Variants in JMJD1C observed in about 807,000 individuals in gnomAD.
JMJD1C encodes jumonji domain-containing protein 1C.
JMJD1C carries 31 observed loss-of-function variants against 245.3 expected under a neutral mutation model. That is an observed-to-expected ratio of 0.13 (90% confidence interval 0.09 to 0.17). The LOEUF (loss-of-function observed/expected upper bound fraction) is 0.17. JMJD1C is among the 10% of genes least tolerant of loss of function. The pLI, the probability that JMJD1C is intolerant of heterozygous loss-of-function variation, is 1.00. For missense variants in JMJD1C, 2,691 were observed against 3,000.2 expected (o/e 0.90, Z 2.41); for synonymous variants, 1,057 against 1,017.4 (o/e 1.04, Z -0.74).
At chr10:63,247,051 A>C (rs977727724) in intron 3 of JMJD1C, among the ~76,000 whole-genome samples, 11 of 151,754 alleles carry the variant, frequency 7.2e-5, no homozygotes, top group African/African-American at 2.7e-4. Flanking sequence ...CTAAATCCAA[A>C]ATTAGTAGTA....
chr10:63,445,362 G>A (rs1951649890), intron 1 of JMJD1C, among the ~76,000 whole-genome samples: 1 of 152,196 alleles, frequency 6.6e-6, no homozygotes, highest in African/African-American at 2.4e-5. Flanking sequence ...AAATGAGCAA[G>A]CATGTTAACA....
At chr10:63,340,806 G>A (rs1472605222) in intron 2 of JMJD1C, among the ~76,000 whole-genome samples, 2 of 151,962 alleles carry the variant, frequency 1.3e-5, no homozygotes, top group Admixed American at 6.5e-5. Context: ...TTGGCTGGGC[G>A]TGGTGGCAGG....
At chr10:63,280,953 C>A (rs1374328793) in intron 2 of JMJD1C, among the ~76,000 whole-genome samples, 1 of 151,516 alleles carries the variant, frequency 6.6e-6, no homozygotes, top group South Asian at 2.1e-4. Flanking sequence ...GGATCCTTTA[C>A]CTCTTTTTCT....
At chr10:63,267,930 G>A (rs1469494568) in intron 2 of JMJD1C, among the ~76,000 whole-genome samples, 2 of 151,982 alleles carry the variant, frequency 1.3e-5, no homozygotes, top group Non-Finnish European at 2.9e-5. Flanking sequence ...TGAGGAAGAC[G>A]CGAACAGATG....
rs190696115 is a variant in JMJD1C, at chr10:63,398,411, T to C, written c.169-17929A>G. On this transcript the variant is annotated intron_variant, in intron 1 of 25. Transcript: ENST00000399262. ...ATTTTAAAATATGTTTCTCCATTCT[T>C]GTATTTCCAGTAATTGTTTAACTGG... 7.2e-5 allele frequency among the ~76,000 whole-genome samples: 11 copies of C among 152,284 alleles called. 1 individual carries two copies. The East Asian group carries it at 2.1e-3, about 29-fold the overall frequency.
intron 3 of JMJD1C, among the ~76,000 whole-genome samples, chr10:63,229,091 C>G (rs144154822): frequency 5.2e-4 from 79 of 152,048 alleles, no homozygotes; most frequent in African/African-American, 1.9e-3. Flanking sequence ...TTATTAAGGA[C>G]ACGATAGATT....
rs1847733980 is a variant in JMJD1C, at chr10:63,214,468, T to C, written c.1699A>G (p.Ser567Gly). 1.2e-6 allele frequency: 2 copies of C among 1,614,086 alleles called. No individual in the cohort carries two copies. Among genetic ancestry groups the C allele is most frequent in the Admixed American group, 3.3e-5 (2 of 60,030 alleles). ...AKKDSDQSWV[S>G]DVVKVDLTQS... ...GTTAGATCCACTTTAACTACATCAC[T>C]GACCCAGCTCTGGTCAGAATCTTTT... The change falls in exon 8 of 26, where the codon AGT (serine) becomes GGT (glycine). Residue 567 changes from serine (S) to glycine (G), a missense_variant. Physicochemically the swap from Ser to Gly is moderately conservative, Grantham distance 56 (BLOSUM62 0). This residue lies in a region of JMJD1C where 1,562 missense variants were observed against 1,490.7 expected (regional missense o/e 1.05). Coordinates refer to ENST00000399262, the MANE Select transcript of JMJD1C (RefSeq NM_032776.3).
At chr10:63,262,438 T>G (rs1589320339) in intron 3 of JMJD1C, among the ~76,000 whole-genome samples, 1 of 152,154 alleles carries the variant, frequency 6.6e-6, no homozygotes, top group East Asian at 1.9e-4. Context: ...ATTTTTATAT[T>G]TATAACCTGA....
chr10:63,398,226 T>G (rs1948625901), intron 1 of JMJD1C, among the ~76,000 whole-genome samples: 1 of 152,208 alleles, frequency 6.6e-6, no homozygotes, highest in Non-Finnish European at 1.5e-5. Context: ...TGCAACTGTT[T>G]GATATGACTT....
At chr10:63,215,772 C>T (rs761484774) in intron 5 of JMJD1C, 76 bp from the exon 6 acceptor site, 2 of 1,034,580 alleles carry the variant, frequency 1.9e-6, no homozygotes, top group East Asian at 5.3e-5. Context: ...TTTCTTTACT[C>T]AGTAGAAATG....
Position 63,168,046 on chromosome 10 carries a change from T to G in JMJD1C, c.7622A>C (p.Ter2541SerextTer2). Reference sequence around the variant, plus strand: ...TAAAAATATCAAACTGGATCACACTTAATTTTCTTCCATATCCTCTACTTC... The same window carrying G: ...TAAAAATATCAAACTGGATCACACTGAATTTTCTTCCATATCCTCTACTTC... ...EDEVEDMEEN[*>S] The change falls in exon 26 of 26, where the codon TAA becomes TCA. Residue 2541 changes from the stop codon to serine (S), a stop_lost. Transcript: ENST00000399262. 1 of 1,551,546 alleles carries G rather than the reference T, an allele frequency of 6.4e-7. No homozygotes were observed. The highest frequency in any genetic ancestry group is 8.9e-7 in the Non-Finnish European group (1 of 1,123,760).
intron 2 of JMJD1C, among the ~76,000 whole-genome samples, chr10:63,268,072 T>C (rs1209884556): frequency 6.6e-6 from 1 of 151,676 alleles, no homozygotes; most frequent in African/African-American, 2.4e-5. Flanking sequence ...ATGTCTGCAG[T>C]CTTAGTTTCT....
chr10:63,465,300 T>A (rs1953135832), intron 1 of JMJD1C, 195 bp downstream of exon 1: 2 of 619,634 alleles, frequency 3.2e-6, no homozygotes, highest in South Asian at 4.1e-5. Flanking sequence ...CGACACCACC[T>A]CCACAGGGGA....
chr10:63,328,744 T>C (rs1047562281), intron 2 of JMJD1C, among the ~76,000 whole-genome samples: 2 of 152,230 alleles, frequency 1.3e-5, no homozygotes, highest in Non-Finnish European at 2.9e-5. Flanking sequence ...CTATAATAAA[T>C]AGCTAATAAG....
chr10:63,520,788 A>C (rs1021297815), intron 1 of JMJD1C, among the ~76,000 whole-genome samples: 3 of 152,170 alleles, frequency 2.0e-5, no homozygotes, highest in African/African-American at 7.2e-5. Flanking sequence ...GTATCACTGC[A>C]CCCACTACTG....
At chr10:63,377,807 G>A (rs919601676) in intron 2 of JMJD1C, among the ~76,000 whole-genome samples, 1 of 151,438 alleles carries the variant, frequency 6.6e-6, no homozygotes, top group East Asian at 1.9e-4. Flanking sequence ...AAGGTGGGAG[G>A]ATCTTTTTTG....
intron 2 of JMJD1C, among the ~76,000 whole-genome samples, chr10:63,342,963 T>G (rs1260624938): frequency 6.6e-6 from 1 of 152,154 alleles, no homozygotes; most frequent in East Asian, 1.9e-4. Flanking sequence ...CTCCCCAAGA[T>G]ATCTCAAGTA....
In JMJD1C at chr10:63,385,143, T is replaced by G. The variant is rs529150976; in HGVS notation, c.169-4661A>C. ...GGGGAATGGCTGGTTAGTGGAGCAG[T>G]CAGAACACACATAGTGTTCTGGATT... On this transcript the variant is annotated intron_variant, in intron 1 of 25. Transcript: ENST00000399262. 3.9e-4 allele frequency among the ~76,000 whole-genome samples: 59 copies of G among 152,214 alleles called. No homozygotes were observed. In the South Asian group the frequency reaches 9.1e-3, roughly 24 times the overall value.
intron 24 of JMJD1C, 65 bp downstream of exon 24, chr10:63,176,232 A>T: frequency 5.7e-6 from 7 of 1,217,590 alleles, no homozygotes; most frequent in South Asian, 1.7e-5. Flanking sequence ...ACTAAGAGCA[A>T]TTTTTTTTTC....
Sources: allele counts gnomAD v4.1 joint callset (sites outside exome capture counted in the v4.1 genomes callset), GRCh38; gene constraint gnomAD v4.1.1; regional missense constraint gnomAD v4.1.1; transcripts MANE v1.5; gene names NCBI Gene and HGNC (gene_info 2026-07-23, HGNC 2026-07-21).